GALNT17: variants seen among roughly 807,000 people sequenced by gnomAD.
The protein encoded by GALNT17 is UDP-GalNAc:polypeptide N-acetylgalactosaminyltransferase-like 3.
In GALNT17, 29 loss-of-function variants were observed where a neutral mutation model predicts 63.7. That is an observed-to-expected ratio of 0.46 (90% CI 0.34 to 0.62). The LOEUF (loss-of-function observed/expected upper bound fraction) is 0.62. GALNT17 is among the 20% of genes least tolerant of loss of function. The pLI is 0.01. For missense variants in GALNT17, 603 were observed against 799.6 expected, an observed-to-expected ratio of 0.75 and a Z score of 2.97; for synonymous variants, 305 against 318.3, an observed-to-expected ratio of 0.96 and a Z score of 0.45.
chr7:71,437,629 A>G (rs1786989292), intron 5 of GALNT17, among the ~76,000 whole-genome samples: 1 of 152,178 alleles, frequency 6.6e-6, no homozygotes, highest in Admixed American at 6.5e-5. Context: ...GTGATTCTTC[A>G]GTGACTTCAA....
intron 1 of GALNT17, among the ~76,000 whole-genome samples, chr7:71,302,334 C>T (rs12699009): frequency 0.077 from 11,763 of 152,148 alleles, 509 homozygotes; most frequent in African/African-American, 0.11. Context: ...ACATCCTGTG[C>T]GTGTATCCCA....
intron 1 of GALNT17, among the ~76,000 whole-genome samples, chr7:71,153,587 T>C (rs1024790237): frequency 5.3e-5 from 8 of 152,066 alleles, no homozygotes; most frequent in African/African-American, 2.4e-5. Context: ...TCTAGAGGAA[T>C]AGGAAACAAT....
intron 6 of GALNT17, among the ~76,000 whole-genome samples, chr7:71,601,440 A>G (rs1789965777): frequency 6.6e-6 from 1 of 152,054 alleles, no homozygotes; most frequent in Admixed American, 6.6e-5. Context: ...CAGGGGAGAT[A>G]GGACGGAGAC....
chr7:71,490,256 CAAA>C (rs35867509), intron 5 of GALNT17, among the ~76,000 whole-genome samples: 2 of 136,594 alleles, frequency 1.5e-5, no homozygotes, highest in Non-Finnish European at 3.2e-5. Context: ...GACTCTGTCT[CAAA>C]AAAAAAAAAA....
intron 5 of GALNT17, among the ~76,000 whole-genome samples, chr7:71,508,589 G>T (rs945441578): frequency 2.0e-5 from 3 of 152,148 alleles, no homozygotes; most frequent in Admixed American, 2.0e-4. Context: ...GACTCTCGGG[G>T]TGTTACTGGA....
intron 6 of GALNT17, among the ~76,000 whole-genome samples, chr7:71,583,627 A>G (rs1304941271): frequency 6.6e-6 from 1 of 152,172 alleles, no homozygotes; most frequent in Admixed American, 6.6e-5. Flanking sequence ...TAGCAGGGCC[A>G]TTTTGCTATC....
chr7:71,663,636 G>C (rs1170314061), intron 6 of GALNT17, among the ~76,000 whole-genome samples: 1 of 152,216 alleles, frequency 6.6e-6, no homozygotes, highest in Non-Finnish European at 1.5e-5. Flanking sequence ...GCAAAGTGAG[G>C]ATTCTTGCTT....
chr7:71,147,557 T>A (rs1788045727), intron 1 of GALNT17, among the ~76,000 whole-genome samples: 1 of 152,182 alleles, frequency 6.6e-6, no homozygotes, highest in Non-Finnish European at 1.5e-5. Flanking sequence ...CATCCTTCAA[T>A]CCAATCAGAT....
intron 2 of GALNT17, among the ~76,000 whole-genome samples, chr7:71,366,041 A>T (rs1452030560): frequency 2.0e-5 from 3 of 152,086 alleles, no homozygotes; most frequent in African/African-American, 7.2e-5. Flanking sequence ...CGCAACCTAG[A>T]TCCCTCGTAT....
At chr7:71,291,039 A>T (rs1043455825) in intron 1 of GALNT17, among the ~76,000 whole-genome samples, 22 of 152,198 alleles carry the variant, frequency 1.4e-4, no homozygotes, top group Non-Finnish European at 2.9e-5. Context: ...GAGATAATGC[A>T]TGGAAATACT....
chr7:71,137,385 C>T (rs1016286133), intron 1 of GALNT17, among the ~76,000 whole-genome samples: 28 of 150,372 alleles, frequency 1.9e-4, no homozygotes, highest in Non-Finnish European at 3.6e-4. Context: ...GTGATCCACC[C>T]GCCTCGGCCT....
At chr7:71,597,243 G>A (rs987859471) in intron 6 of GALNT17, among the ~76,000 whole-genome samples, 29 of 151,984 alleles carry the variant, frequency 1.9e-4, no homozygotes, top group African/African-American at 6.0e-4. Flanking sequence ...GTTTCACCAT[G>A]TTAGCCAGGA....
intron 1 of GALNT17, among the ~76,000 whole-genome samples, chr7:71,277,469 C>G (rs1462577314): frequency 6.6e-6 from 1 of 152,140 alleles, no homozygotes; most frequent in Admixed American, 6.5e-5. Context: ...CATGCCTGCA[C>G]ATGGACCCTG....
At position 71,670,129 on chromosome 7, in the gene GALNT17, C is replaced by A; in HGVS notation, c.1404+20C>A. 1 of 1,613,776 alleles carries A rather than the reference C, an allele frequency of 6.2e-7. No homozygotes were observed. Among genetic ancestry groups the A allele is most frequent in the Non-Finnish European group, 8.5e-7 (1 of 1,179,828 alleles). On this transcript the variant is annotated intron_variant, in intron 8 of 10. Transcript: ENST00000333538. ...GGGGAGGTAATTCAGACCGTGCATG[C>A]TTTTGGCTTGGAATGCTGTTCAATA... is the stretch of plus-strand genomic sequence containing the variant.
chr7:71,157,552 A>G (rs1413047824), intron 1 of GALNT17, among the ~76,000 whole-genome samples: 1 of 151,648 alleles, frequency 6.6e-6, no homozygotes, highest in South Asian at 2.1e-4. Context: ...CAGCTACTCA[A>G]GAGACTGAGG....
At chr7:71,606,433 G>C (rs1320948411) in intron 6 of GALNT17, among the ~76,000 whole-genome samples, 4 of 152,142 alleles carry the variant, frequency 2.6e-5, no homozygotes, top group Non-Finnish European at 5.9e-5. Context: ...ACACCTTTTT[G>C]TGAAACTGTC....
chr7:71,355,861 G>T (rs1051734236), intron 2 of GALNT17, among the ~76,000 whole-genome samples: 11 of 152,028 alleles, frequency 7.2e-5, no homozygotes, highest in Non-Finnish European at 1.3e-4. Flanking sequence ...TTCCCCTGAG[G>T]TTGAGAAGAT....
Position 71,463,760 on chromosome 7 carries a change from C to T in GALNT17, c.962+42655C>T, listed in dbSNP as rs142891185. 5.3e-3 allele frequency among the ~76,000 whole-genome samples: 800 copies of T among 152,290 alleles called. 8 individuals are homozygous for T. Among genetic ancestry groups the T allele is most frequent in the African/African-American group, 0.018 (764 of 41,550 alleles). ...CATTGCCATGGCATTTGTAAACTGT[C>T]ATGGAGCTGGTAGGAGTGTCTCTTA... On this transcript the variant is annotated intron_variant, in intron 5 of 10. Transcript: ENST00000333538.
At chr7:71,283,150 G>GC (rs35563972) in intron 1 of GALNT17, among the ~76,000 whole-genome samples, 11 of 151,388 alleles carry the variant, frequency 7.3e-5, no homozygotes, top group Non-Finnish European at 8.8e-5. Flanking sequence ...TCCTGCCTCA[G>GC]CCCCCCCCAA....
Sources: allele counts gnomAD v4.1 joint callset (sites outside exome capture counted in the v4.1 genomes callset), GRCh38; gene constraint gnomAD v4.1.1; transcripts MANE v1.5; gene names NCBI Gene and HGNC (gene_info 2026-07-23, HGNC 2026-07-21).